The following RAB31 variants were observed in gnomAD, a reference collection of about 807,000 sequenced individuals.
RAB31 encodes the protein RAB31, member RAS oncogene family, also known as ras-related protein Rab-31.
A neutral mutation model predicts 25.6 loss-of-function variants in RAB31; 21 were observed. The observed-to-expected ratio is 0.82, with a 90% confidence interval of 0.58 to 1.18. The LOEUF (loss-of-function observed/expected upper bound fraction) is 1.18. RAB31 is among the 50% of genes most tolerant of loss of function. RAB31 has a pLI of 0.00. For missense variants in RAB31, 196 were observed against 250.1 expected, an observed-to-expected ratio of 0.78 and a Z score of 1.46; for synonymous variants, 87 against 84.0, an observed-to-expected ratio of 1.04 and a Z score of -0.20.
chr18:9,803,185 C>G (rs1018107070), intron 3 of RAB31, among the ~76,000 whole-genome samples: 1 of 151,964 alleles, frequency 6.6e-6, no homozygotes, highest in Admixed American at 6.6e-5. Flanking sequence ...AGTTTTTGCT[C>G]TCCTCCCACC....
chr18:9,805,067 T>C (rs4798864), intron 3 of RAB31, among the ~76,000 whole-genome samples: 142,690 of 151,756 alleles, frequency 0.94, 67,587 homozygotes, highest in Non-Finnish European at 1. Flanking sequence ...GCCTGGGCAA[T>C]ATAATGAGAC....
chr18:9,797,193 G>A (rs1347044326), intron 3 of RAB31, among the ~76,000 whole-genome samples: 1 of 152,282 alleles, frequency 6.6e-6, no homozygotes, highest in East Asian at 1.9e-4. Flanking sequence ...ATATACGTGT[G>A]TATTACTTGT....
At chr18:9,765,446 A>G (rs975921878) in intron 1 of RAB31, among the ~76,000 whole-genome samples, 2 of 152,204 alleles carry the variant, frequency 1.3e-5, no homozygotes, top group Non-Finnish European at 2.9e-5. Flanking sequence ...AATCTTATAG[A>G]ATGGGTGGTA....
intron 6 of RAB31, among the ~76,000 whole-genome samples, chr18:9,848,205 T>C (rs908540613): frequency 6.6e-6 from 1 of 152,184 alleles, no homozygotes; most frequent in Non-Finnish European, 1.5e-5. Context: ...CATCTGTCTG[T>C]CTATCCATCT....
chr18:9,847,396 C>A (rs1423105329), intron 6 of RAB31, among the ~76,000 whole-genome samples: 2 of 152,170 alleles, frequency 1.3e-5, no homozygotes, highest in Non-Finnish European at 2.9e-5. Flanking sequence ...AGACCCCCAG[C>A]ACAGATATCA....
chr18:9,795,744 C>T (rs920926511), intron 3 of RAB31, among the ~76,000 whole-genome samples: 4 of 152,052 alleles, frequency 2.6e-5, no homozygotes, highest in African/African-American at 7.2e-5. Context: ...TAGATGTTGG[C>T]GTGGATGTGG....
At chr18:9,762,332 A>C (rs948906450) in intron 1 of RAB31, among the ~76,000 whole-genome samples, 1 of 152,232 alleles carries the variant, frequency 6.6e-6, no homozygotes, top group Non-Finnish European at 1.5e-5. Context: ...CTTGTAAAAA[A>C]TTGCAGAATG....
chr18:9,774,397 C>T (rs1224327590), intron 1 of RAB31, among the ~76,000 whole-genome samples: 1 of 152,148 alleles, frequency 6.6e-6, no homozygotes, highest in Non-Finnish European at 1.5e-5. Flanking sequence ...GTTGTGTGGC[C>T]TTTCAACTGA....
intron 6 of RAB31, among the ~76,000 whole-genome samples, chr18:9,858,387 A>C (rs2068830007): frequency 6.6e-6 from 1 of 152,202 alleles, no homozygotes; most frequent in Non-Finnish European, 1.5e-5. Context: ...AACTTTATTG[A>C]GATAAAATTC....
intron 2 of RAB31, among the ~76,000 whole-genome samples, chr18:9,784,058 A>G (rs1375275552): frequency 1.3e-5 from 2 of 152,098 alleles, no homozygotes; most frequent in African/African-American, 2.4e-5. Flanking sequence ...ATTTTTAGAG[A>G]CAGAGCATTG....
chr18:9,824,400 A>ATGTGTATATGAGTG (rs1568188826), intron 5 of RAB31, among the ~76,000 whole-genome samples: 1 of 131,750 alleles, frequency 7.6e-6, no homozygotes, highest in Non-Finnish European at 1.6e-5. Context: ...GTGTAGATGT[A>ATGTGTATATGAGTG]TGTGTATATG....
At chr18:9,716,082 C>G (rs181675333) in intron 1 of RAB31, among the ~76,000 whole-genome samples, 2 of 152,254 alleles carry the variant, frequency 1.3e-5, no homozygotes, top group Non-Finnish European at 2.9e-5. Flanking sequence ...TTTAAAGGGT[C>G]CAGTTAGAGA....
At chr18:9,793,183 C>T (rs1314213553) in intron 3 of RAB31, among the ~76,000 whole-genome samples, 1 of 152,048 alleles carries the variant, frequency 6.6e-6, no homozygotes, top group African/African-American at 2.4e-5. Context: ...AAGAGACCCT[C>T]CTGCCTCAGC....
rs527487799 is a variant in RAB31 at position 9,770,951 on chromosome 18, C to T, written c.40-4327C>T. Reference sequence around the variant, plus strand: ...GCTGAGGCCGGAGGATCATTTGAGCCTGGGAGTTTGCGTTAGCCTGCCCCA... The same window carrying T: ...GCTGAGGCCGGAGGATCATTTGAGCTTGGGAGTTTGCGTTAGCCTGCCCCA... On this transcript the variant is annotated intron_variant, in intron 1 of 6. Coordinates refer to ENST00000578921, the MANE Select transcript of RAB31 (RefSeq NM_006868.4). Among the ~76,000 whole-genome samples, 15 of 151,308 alleles carry T rather than the reference C, an allele frequency of 9.9e-5. No homozygotes were observed. The East Asian group carries it at 2.9e-3, about 29-fold the overall frequency.
intron 1 of RAB31, chr18:9,774,963 C>CT: frequency 1.9e-6 from 1 of 524,660 alleles, no homozygotes; most frequent in Non-Finnish European, 3.7e-6. Flanking sequence ...TCTCTAGAGC[C>CT]CTCCCAAGAT....
At chr18:9,716,910 T>TTTTC (rs71168100) in intron 1 of RAB31, among the ~76,000 whole-genome samples, 17,464 of 128,824 alleles carry the variant, frequency 0.14, 1,801 homozygotes, top group South Asian at 0.17. Context: ...ACTTGGCTAA[T>TTTTC]TTTCTTTCTT....
chr18:9,782,167 C>T (rs1315789801), intron 2 of RAB31, among the ~76,000 whole-genome samples: 1 of 152,260 alleles, frequency 6.6e-6, no homozygotes, highest in Non-Finnish European at 1.5e-5. Flanking sequence ...TAAACGTTCA[C>T]ACCTAGCCTG....
intron 6 of RAB31, among the ~76,000 whole-genome samples, chr18:9,855,586 C>T (rs1200955386): frequency 6.6e-6 from 1 of 152,176 alleles, no homozygotes; most frequent in African/African-American, 2.4e-5. Flanking sequence ...TTCTGAATAC[C>T]TTAGGCCCTA....
intron 5 of RAB31, among the ~76,000 whole-genome samples, chr18:9,821,545 C>T (rs546770398): frequency 6.6e-6 from 1 of 152,070 alleles, no homozygotes; most frequent in East Asian, 1.9e-4. Flanking sequence ...TGATTATCTA[C>T]ACAGAAAAGC....
Sources: gnomAD v4.1 joint callset for allele counts (sites outside exome capture counted in the v4.1 genomes callset) on GRCh38, gnomAD v4.1.1 for gene constraint, MANE v1.5 for transcripts, NCBI Gene and HGNC (gene_info 2026-07-23, HGNC 2026-07-21) for gene names.